The following IL1RAP variants were observed in gnomAD, a reference collection of about 807,000 sequenced individuals.
The protein encoded by IL1RAP is interleukin-1 receptor accessory protein.
IL1RAP carries 35 observed loss-of-function variants against 60.7 expected under a neutral mutation model. The observed-to-expected ratio is 0.58, with a 90% CI of 0.44 to 0.76. The LOEUF is 0.76. IL1RAP is among the 30% of genes least tolerant of loss of function. The pLI is 0.00. For synonymous variants in IL1RAP, 268 were observed against 250.9 expected, an observed-to-expected ratio of 1.07 and a Z score of -0.64; for missense variants, 572 against 693.9, an observed-to-expected ratio of 0.82 and a Z score of 1.97.
intron 9 of IL1RAP, among the ~76,000 whole-genome samples, chr3:190,641,615 G>T (rs1733667313): frequency 6.6e-6 from 1 of 152,144 alleles, no homozygotes; most frequent in South Asian, 2.1e-4. Flanking sequence ...GTAGTAAAAT[G>T]AATGAGGCAG....
chr3:190,535,800 C>A (rs1723412653), intron 1 of IL1RAP, among the ~76,000 whole-genome samples: 1 of 152,116 alleles, frequency 6.6e-6, no homozygotes, highest in African/African-American at 2.4e-5. Context: ...ATCATGCTAC[C>A]TTTGTCCTTT....
intron 1 of IL1RAP, among the ~76,000 whole-genome samples, chr3:190,534,841 CATT>C (rs1723294742): frequency 6.8e-6 from 1 of 147,208 alleles, no homozygotes; most frequent in Non-Finnish European, 1.5e-5. Flanking sequence ...TTCCAAATAA[CATT>C]AGTGACTTCT....
chr3:190,588,717 T>C (rs1489397275), intron 3 of IL1RAP, among the ~76,000 whole-genome samples: 1 of 152,240 alleles, frequency 6.6e-6, no homozygotes, highest in African/African-American at 2.4e-5. Context: ...AAGTACATTC[T>C]CTTGTTTTGC....
At chr3:190,527,007 T>A (rs547633321) in intron 1 of IL1RAP, among the ~76,000 whole-genome samples, 54 of 152,320 alleles carry the variant, frequency 3.5e-4, no homozygotes, top group Non-Finnish European at 4.3e-4. Flanking sequence ...CACGCTTTTT[T>A]CCTCCATACA....
intron 1 of IL1RAP, among the ~76,000 whole-genome samples, chr3:190,522,057 G>C (rs1382723899): frequency 6.6e-6 from 1 of 152,106 alleles, no homozygotes; most frequent in Non-Finnish European, 1.5e-5. Flanking sequence ...ATGGAGACTT[G>C]AGAATGGTAA....
In IL1RAP at chr3:190,572,859, G is replaced by GTTTTTTTTTTTTTTT. The variant is rs1200775636; in HGVS notation, c.64+8514_64+8528dup. Among the ~76,000 whole-genome samples the GTTTTTTTTTTTTTTT allele has an allele frequency of 1.5e-4, 6 of 39,048 alleles. 1 individual carries two copies. Among genetic ancestry groups the GTTTTTTTTTTTTTTT allele is most frequent in the South Asian group, 3.0e-3 (2 of 674 alleles). The allele number at this position is 39,048 out of a possible 152,430, so 25.6% of individuals were successfully genotyped here. On this transcript the variant is annotated intron_variant, in intron 3 of 11. Transcript: ENST00000447382. ...TCAGCATGTCCAGGGTTAATGCTTT[G>GTTTTTTTTTTTTTTT]TTTTTTTTTTTTTTTTTTTTTTGAG...
intron 1 of IL1RAP, chr3:190,517,939 C>T (rs907533582): frequency 3.3e-5 from 5 of 152,010 alleles, no homozygotes; most frequent in African/African-American, 1.2e-4. Flanking sequence ...CTACTGTGCT[C>T]TTTGCCCATT....
intron 1 of IL1RAP, among the ~76,000 whole-genome samples, chr3:190,552,196 A>C (rs549449487): frequency 1.3e-5 from 2 of 152,324 alleles, no homozygotes; most frequent in Admixed American, 1.3e-4. Context: ...GATTATGATA[A>C]ATTATTTTAC....
At chr3:190,547,052 C>T (rs1474311191) in intron 1 of IL1RAP, among the ~76,000 whole-genome samples, 1 of 152,184 alleles carries the variant, frequency 6.6e-6, no homozygotes, top group Non-Finnish European at 1.5e-5. Context: ...GAGCACCTCT[C>T]TGTGAGGGAG....
chr3:190,658,938 G>A (rs922410479), exon 12 of IL1RAP: 3 of 152,080 alleles, frequency 2.0e-5, no homozygotes, highest in African/African-American at 7.2e-5. Context: ...CAACCCAAAG[G>A]CCTTGTCCTC....
intron 9 of IL1RAP, chr3:190,629,715 A>C (rs1389864540): frequency 1.3e-5 from 16 of 1,249,198 alleles, no homozygotes; most frequent in Non-Finnish European, 1.6e-5. Context: ...CGTAATGCCC[A>C]AATGTAGCTA....
rs567413066 is a variant in IL1RAP, at chr3:190,579,528, C to G, written c.64+15175C>G. On this transcript the variant is annotated intron_variant, in intron 3 of 11. Coordinates refer to ENST00000447382, the MANE Select transcript of IL1RAP (RefSeq NM_002182.4). ...CAAGGTTTTGTCCTCTGTTCCCAAG[C>G]CCATTATTCTTTTTCCTGGCAGACC... Among the ~76,000 whole-genome samples, 6 of 152,206 alleles carry G rather than the reference C, an allele frequency of 3.9e-5. No homozygotes were observed. In the South Asian group the frequency reaches 1.2e-3, roughly 32 times the overall value.
intron 9 of IL1RAP, among the ~76,000 whole-genome samples, chr3:190,635,913 T>A (rs1733183435): frequency 6.6e-6 from 1 of 152,200 alleles, no homozygotes; most frequent in Admixed American, 6.5e-5. Context: ...TGGCTGTGTA[T>A]ATGAACTAGT....
At chr3:190,615,512 A>G (rs565520879) in intron 5 of IL1RAP, among the ~76,000 whole-genome samples, 22 of 152,248 alleles carry the variant, frequency 1.4e-4, no homozygotes, top group South Asian at 4.1e-4. Flanking sequence ...AGCATAGACA[A>G]TTTTCTCACC....
chr3:190,641,323 A>C (rs1211492892), intron 9 of IL1RAP, among the ~76,000 whole-genome samples: 1 of 151,980 alleles, frequency 6.6e-6, no homozygotes, highest in African/African-American at 2.4e-5. Flanking sequence ...TTGTCAAAAC[A>C]CCTGAGGGTC....
At chr3:190,553,608 C>T (rs1436955604) in intron 1 of IL1RAP, among the ~76,000 whole-genome samples, 1 of 152,084 alleles carries the variant, frequency 6.6e-6, no homozygotes, top group East Asian at 1.9e-4. Flanking sequence ...GGACGGGGAA[C>T]GGGGAGCTGC....
chr3:190,593,574 A>T (rs923061487), intron 3 of IL1RAP, among the ~76,000 whole-genome samples: 4 of 152,140 alleles, frequency 2.6e-5, no homozygotes, highest in African/African-American at 9.7e-5. Flanking sequence ...ATCATGGCAG[A>T]AGGCAAATGA....
At chr3:190,538,306 A>T (rs1314953109) in intron 1 of IL1RAP, among the ~76,000 whole-genome samples, 1 of 152,158 alleles carries the variant, frequency 6.6e-6, no homozygotes, top group Non-Finnish European at 1.5e-5. Context: ...GGAATGTGTG[A>T]ATCTCCATTT....
rs1208345992 is a variant in IL1RAP, at chr3:190,582,342, G to T, written c.64+17989G>T. On this transcript the variant is annotated intron_variant, in intron 3 of 11. Coordinates refer to ENST00000447382, the MANE Select transcript of IL1RAP (RefSeq NM_002182.4). The stretch of plus-strand genomic sequence containing the variant: ...CTTTTTTTTTTTTTTCATTTGAGAT[G>T]GAGTTTCACTGTTTTTGCCCAGGCT... Among the ~76,000 whole-genome samples the T allele has an allele frequency of 4.8e-5, 7 of 146,314 alleles. No individual in the cohort carries two copies. The East Asian group carries it at 1.0e-3, about 21-fold the overall frequency.
Sources: gnomAD v4.1 joint callset for allele counts (sites outside exome capture counted in the v4.1 genomes callset) on GRCh38, gnomAD v4.1.1 for gene constraint, MANE v1.5 for transcripts, NCBI Gene and HGNC (gene_info 2026-07-23, HGNC 2026-07-21) for gene names.